The following RASAL3 variants were observed in gnomAD, a reference collection of about 807,000 sequenced individuals.
The protein encoded by RASAL3 is RAS protein activator like-3.
In RASAL3, 74 loss-of-function variants were observed where a neutral mutation model predicts 105.5. The ratio of observed to expected loss-of-function variants is 0.70; its 90% CI spans 0.58 to 0.85. RASAL3 has a LOEUF of 0.85. Ranked by LOEUF, RASAL3 falls within the 40% of genes least tolerant of loss-of-function variation. The probability of loss-of-function intolerance (pLI) is 0.00; values close to 1 mark genes in which losing one functional copy is unlikely to be tolerated. For synonymous variants in RASAL3, 579 were observed against 591.6 expected (o/e 0.98, Z 0.31); for missense variants, 1,352 against 1,392.0 (o/e 0.97, Z 0.46).
Position 15,453,077 on chromosome 19 carries a change from C to A in RASAL3, c.2670+30G>T. 6.2e-7 allele frequency: 1 copy of A among 1,612,108 alleles called. No homozygotes were observed. Reference sequence around the variant, plus strand: ...CCCCAGTCGCGTCCCTGTTCCCACTCCCCAGGCGCGGACCTGGGCCTGACC... The same window carrying A: ...CCCCAGTCGCGTCCCTGTTCCCACTACCCAGGCGCGGACCTGGGCCTGACC... On this transcript the variant is annotated intron_variant, in intron 15 of 17. Transcript: ENST00000343625. This position sits in a 1 kb window ranked among gnomAD's most constrained non-coding sequence, Gnocchi z 4.2.
intron 6 of RASAL3, among the ~76,000 whole-genome samples, 166 bp from the exon 7 acceptor site, chr19:15,458,821 ACT>A (rs1970419053): frequency 7.8e-6 from 1 of 127,420 alleles, no homozygotes; most frequent in Non-Finnish European, 1.6e-5. Context: ...TTTAGGATAA[ACT>A]CAACTCCTGG....
Position 15,451,862 on chromosome 19 carries a change from C to T in RASAL3, c.2969G>A (p.Arg990Lys), listed in dbSNP as rs763879747. Reference sequence around the variant, plus strand: ...GGGTTGACTCCAAGACCCCCGCGTCCTTGGAGAAAGCTGCAGGCTCTGGAC... The same window carrying T: ...GGGTTGACTCCAAGACCCCCGCGTCTTTGGAGAAAGCTGCAGGCTCTGGAC... ...DAVQSLQLSP[R>K]TRGSWSQPQP... Residue 990 changes from arginine (R) to lysine (K), a missense_variant, in exon 18 of 18, where the codon AGG (arginine) becomes AAG (lysine). By Grantham distance (26) the Arg-to-Lys change is conservative. This residue lies in a region of RASAL3 where 920 missense variants were observed against 919.6 expected (regional missense o/e 1.00). Coordinates refer to ENST00000343625, the MANE Select transcript of RASAL3 (RefSeq NM_022904.3). The T allele has an allele frequency of 5.6e-6, 9 of 1,609,038 alleles. No individual in the cohort carries two copies. The South Asian group carries it at 8.8e-5, about 16-fold the overall frequency.
At chr19:15,460,105 C>A in intron 6 of RASAL3, 98 bp downstream of exon 6, 1 of 1,031,544 alleles carries the variant, frequency 9.7e-7, no homozygotes, top group South Asian at 1.5e-5. Context: ...ACAGAGGCCA[C>A]AGGGGGTGTT....
At chr19:15,461,635 C>T in intron 2 of RASAL3, 28 bp from the exon 3 acceptor site, 2 of 1,490,284 alleles carry the variant, frequency 1.3e-6, no homozygotes, top group Middle Eastern at 1.8e-4. Flanking sequence ...CACTGGGGGA[C>T]TTAAGAGACG....
chr19:15,461,464 C>A lies in RASAL3; in HGVS notation c.465+7G>T. 6.5e-7 allele frequency: 1 copy of A among 1,548,406 alleles called. No homozygotes were observed. Among genetic ancestry groups the A allele is most frequent in the South Asian group, 1.2e-5 (1 of 83,922 alleles). ...CCTCCTCCCCTTTCCCAGGTGCCCCCTCTCACCTCCTCCTCTCCTCCAAGC... is the reference window on the plus strand; with the variant it reads ...CCTCCTCCCCTTTCCCAGGTGCCCCATCTCACCTCCTCCTCTCCTCCAAGC... On this transcript the variant is annotated splice_region_variant and intron_variant, in intron 3 of 17. Coordinates refer to ENST00000343625, the MANE Select transcript of RASAL3 (RefSeq NM_022904.3).
intron 2 of RASAL3, among the ~76,000 whole-genome samples, chr19:15,462,353 G>A (rs1970536693): frequency 6.6e-6 from 1 of 152,110 alleles, no homozygotes; most frequent in African/African-American, 2.4e-5. Context: ...AGGCGTGGTG[G>A]CACATGCCTG....
Position 15,464,049 on chromosome 19 carries a change from G to GCTC in RASAL3, c.307_309dup (p.Glu103dup), listed in dbSNP as rs750559791. 6.4e-7 allele frequency: 1 copy of GCTC among 1,572,714 alleles called. No individual in the cohort carries two copies. The highest frequency in any genetic ancestry group is 8.6e-7 in the Non-Finnish European group (1 of 1,156,962). On this transcript the variant is annotated inframe_insertion, in exon 2 of 18. Coordinates refer to ENST00000343625, the MANE Select transcript of RASAL3 (RefSeq NM_022904.3). ...CATGTACCTGGGGCCTCCTGCTCCG[G>GCTC]CTCCGGGTCTGGCTCCGGCGGTGGG...
chr19:15,454,981 G>T, intron 11 of RASAL3, 88 bp from the exon 12 acceptor site: 2 of 976,852 alleles, frequency 2.0e-6, no homozygotes, highest in Non-Finnish European at 3.0e-6. Context: ...CAGAAGCACT[G>T]CATGATTGGT....
rs375151160 is a variant in RASAL3, at chr19:15,451,881, T to C, written c.2950A>G (p.Ser984Gly). The C allele has an allele frequency of 6.2e-7, 1 of 1,609,752 alleles. No individual in the cohort carries two copies. Among genetic ancestry groups the C allele is most frequent in the South Asian group, 1.1e-5 (1 of 90,996 alleles). ...TQAQLRDAVQSLQLSPRTRGS... is the reference protein window; with the variant it reads ...TQAQLRDAVQGLQLSPRTRGS... ...CGCGTCCTTGGAGAAAGCTGCAGGC[T>C]CTGGACAGCATCCCTCAGCTGAGCC... The change falls in exon 18 of 18, where the codon AGC becomes GGC. Residue 984 changes from serine (S) to glycine (G), a missense_variant. Physicochemically the swap from Ser to Gly is moderately conservative, Grantham distance 56. Around this residue, in one of 3 missense-constraint regions of RASAL3, gnomAD observed 920 missense variants for 919.6 expected, o/e 1.00. Coordinates refer to ENST00000343625, the MANE Select transcript of RASAL3 (RefSeq NM_022904.3).
intron 16 of RASAL3, chr19:15,452,366 GT>G: frequency 1.7e-6 from 1 of 595,182 alleles, no homozygotes; most frequent in Non-Finnish European, 3.0e-6. Flanking sequence ...GCTGGAGGGA[GT>G]GCCCAGGCTG....
At chr19:15,452,501 TTGCCAAGAGGCAGGGCCTGG>T in intron 16 of RASAL3, 137 bp downstream of exon 16, 1 of 693,290 alleles carries the variant, frequency 1.4e-6, no homozygotes, top group Non-Finnish European at 2.3e-6. Context: ...GGGGCGGGGC[TTGCCAAGAGGCAGGGCCTGG>T]ACAGACTTAT....
chr19:15,463,966 G>T, intron 2 of RASAL3, 65 bp downstream of exon 2: 1 of 1,404,632 alleles, frequency 7.1e-7, no homozygotes, highest in Non-Finnish European at 9.5e-7. Context: ...TGCTCCGGAG[G>T]CAGACAAAAC....
At position 15,464,350 on chromosome 19, in the gene RASAL3, T is replaced by C; in HGVS notation, c.9A>G (p.Pro3=). The C allele has an allele frequency of 1.5e-6, 1 of 662,380 alleles. No homozygotes were observed. Among genetic ancestry groups the C allele is most frequent in the Non-Finnish European group, 2.1e-6 (1 of 478,240 alleles). 41.0% of individuals were successfully genotyped at this position (662,380 alleles called of 1,614,324 possible). A position where few individuals can be genotyped will look rare whatever the true frequency, so the allele number is the denominator to read the frequency against. MD[P]PSPSRTSQTQ... ...TTTGGGAGGTCCGGCTTGGCGACGG[T>C]GGGTCCATGGTTGGGGGGGGGGGTC... Residue 3 remains proline (P), a synonymous_variant, in exon 2 of 18, where the codon CCA becomes CCG. Coordinates refer to ENST00000343625, the MANE Select transcript of RASAL3 (RefSeq NM_022904.3).
At chr19:15,452,378 A>G in intron 16 of RASAL3, 1 of 587,018 alleles carries the variant, frequency 1.7e-6, no homozygotes, top group Non-Finnish European at 3.0e-6. Flanking sequence ...GCCCAGGCTG[A>G]GATATCTCAG....
chr19:15,453,974 C>T lies in RASAL3; in HGVS notation c.2279+175G>A, dbSNP rs578136615. Among the ~76,000 whole-genome samples, 32 of 152,282 alleles carry T rather than the reference C, an allele frequency of 2.1e-4. No individual in the cohort carries two copies. The highest frequency in any genetic ancestry group is 7.5e-4 in the African/African-American group (31 of 41,554). On this transcript the variant is annotated intron_variant, in intron 14 of 17. Transcript: ENST00000343625. This position sits in a 1 kb window ranked among gnomAD's most constrained non-coding sequence, Gnocchi z 4.2. ...TCTCCACCCTAACCTCTCCTCTCAT[C>T]CCCGACCTCAAACACACTGTGACCT...
Position 15,454,341 on chromosome 19 carries a change from A to G in RASAL3, c.2160+20T>C, listed in dbSNP as rs1970250905. The G allele has an allele frequency of 6.3e-6, 10 of 1,596,892 alleles. No individual in the cohort carries two copies. The highest frequency in any genetic ancestry group is 6.8e-6 in the Non-Finnish European group (8 of 1,171,016). ...GTCTCCCAAGCCTTCTTGCCTCCCT[A>G]CTCTGGGTTCAGGCCATACCTGGTC... On this transcript the variant is annotated intron_variant, in intron 13 of 17. Transcript: ENST00000343625.
In RASAL3 at chr19:15,456,790, T is replaced by C; in HGVS notation, c.1432-144A>G. 3 of 1,025,750 alleles carry C rather than the reference T, an allele frequency of 2.9e-6. No homozygotes were observed. The highest frequency in any genetic ancestry group is 4.2e-6 in the Non-Finnish European group (3 of 716,194). The allele number at this position is 1,025,750 out of a possible 1,614,324, so 63.5% of individuals were successfully genotyped here. On this transcript the variant is annotated intron_variant, in intron 9 of 17. Coordinates refer to ENST00000343625, the MANE Select transcript of RASAL3 (RefSeq NM_022904.3). The surrounding 1 kb of genome is among the most constrained non-coding windows in gnomAD (Gnocchi z 4.4). ...GCCCAGTCCTTACTGCTGGGGCTCATAACCGAGGCCGGAACCTCTAACCCT... is the reference window on the plus strand; with the variant it reads ...GCCCAGTCCTTACTGCTGGGGCTCACAACCGAGGCCGGAACCTCTAACCCT...
rs761912472 is a variant in RASAL3, at chr19:15,458,652, G to A, written c.666C>T (p.Pro222=). The A allele has an allele frequency of 9.9e-6, 16 of 1,612,786 alleles. No individual in the cohort carries two copies. In the African/African-American group the frequency reaches 2.0e-4, roughly 20 times the overall value. The stretch of plus-strand genomic sequence containing the variant: ...ACTCCCTAGAGCCCAGAGCACTGGG[G>A]GGTCTGGGAAGGGGGTGGGTGAGCA... ...KKARLEPRDG[P]PSALGSRESL... Residue 222 remains proline (P), a synonymous_variant, in exon 7 of 18, where the codon CCC becomes CCT. Coordinates refer to ENST00000343625, the MANE Select transcript of RASAL3 (RefSeq NM_022904.3).
Position 15,453,335 on chromosome 19 carries a change from C to T in RASAL3, c.2442G>A (p.Val814=). The T allele has an allele frequency of 7.0e-7, 1 of 1,438,188 alleles. No homozygotes were observed. Among genetic ancestry groups the T allele is most frequent in the South Asian group, 1.5e-5 (1 of 68,760 alleles). The allele number at this position is 1,438,188 out of a possible 1,614,324, so 89.1% of individuals were successfully genotyped here. A position where few individuals can be genotyped will look rare whatever the true frequency, so the allele number is the denominator to read the frequency against. ...GGACCGGGACACTCTGCGTGCGCTG[C>T]ACCGGCCGGGGCCGCCGCAGGGGCC... is the stretch of plus-strand genomic sequence containing the variant. ...EERPLRRPRP[V]QRTQSVPVRR... is the part of the protein sequence containing the mutation. Residue 814 remains valine (V), a synonymous_variant, in exon 15 of 18, where the codon GTG becomes GTA. Coordinates refer to ENST00000343625, the MANE Select transcript of RASAL3 (RefSeq NM_022904.3). This position sits in a 1 kb window ranked among gnomAD's most constrained non-coding sequence, Gnocchi z 4.2.
Sources: gnomAD v4.1 joint callset for allele counts (sites outside exome capture counted in the v4.1 genomes callset) on GRCh38, gnomAD v4.1.1 for gene constraint, gnomAD v4.1.1 regional missense constraint, Gnocchi (gnomAD v3.1) non-coding constraint, MANE v1.5 for transcripts, NCBI Gene and HGNC (gene_info 2026-07-23, HGNC 2026-07-21) for gene names.